The following TAF3 variants were observed in gnomAD, a reference collection of about 807,000 sequenced individuals.
TAF3 encodes TATA-box binding protein associated factor 3.
TAF3 carries 7 observed loss-of-function variants against 80.6 expected under a neutral mutation model. The observed-to-expected ratio is 0.09, with a 90% CI of 0.05 to 0.16. TAF3 has a LOEUF of 0.16. Ranked by LOEUF, TAF3 falls within the 10% of genes least tolerant of loss-of-function variation. TAF3 has a pLI of 1.00. For missense variants in TAF3, 921 were observed against 1,140.2 expected (o/e 0.81, Z 2.77); for synonymous variants, 444 against 446.1 (o/e 1.00, Z 0.06).
intron 3 of TAF3, among the ~76,000 whole-genome samples, chr10:7,969,294 TA>T (rs961334331): frequency 1.5e-4 from 23 of 148,558 alleles, no homozygotes; most frequent in South Asian, 4.3e-4. Context: ...GACCCTGTCT[TA>T]AAAAAAAAAG....
intron 2 of TAF3, among the ~76,000 whole-genome samples, chr10:7,925,470 T>G (rs1837805551): frequency 6.6e-6 from 1 of 152,198 alleles, no homozygotes; most frequent in African/African-American, 2.4e-5. Context: ...CTTGTCTGAC[T>G]TTGATTATTT....
In TAF3 at chr10:7,824,527, G is replaced by C. The variant is rs771800918; in HGVS notation, c.376G>C (p.Asp126His). The C allele has an allele frequency of 1.4e-5, 22 of 1,613,978 alleles. No individual in the cohort carries two copies. The highest frequency in any genetic ancestry group is 1.7e-5 in the Non-Finnish European group (20 of 1,180,006). ...DAEERKEYIP[D>H]YLPPIVSSQE... Reference sequence around the variant, plus strand: ...AGAGGAAAGAAAAGAATACATTCCTGATTACCTGCCACCCATTGTGTCTTC... The same window carrying C: ...AGAGGAAAGAAAAGAATACATTCCTCATTACCTGCCACCCATTGTGTCTTC... Residue 126 changes from aspartate (D) to histidine (H), a missense_variant, in exon 2 of 7, where the codon GAT becomes CAT. This residue lies in a region of TAF3 where 106 missense variants were observed against 191.8 expected (regional missense o/e 0.55). Coordinates refer to ENST00000344293, the MANE Select transcript of TAF3 (RefSeq NM_031923.4).
Position 7,964,800 on chromosome 10 carries a change from G to C in TAF3, c.1290G>C (p.Glu430Asp), listed in dbSNP as rs376477148. 1.7e-5 allele frequency: 28 copies of C among 1,614,044 alleles called. No individual in the cohort carries two copies. Among genetic ancestry groups the C allele is most frequent in the Non-Finnish European group, 2.1e-5 (25 of 1,180,036 alleles). ...GCCCTAAGAGAATTTCAGGCCCGGA[G>C]TGTACTACTCCCAAAGCTTCCACTT... ...FTSPKRISGP[E>D]CTTPKASTSA... Residue 430 changes from glutamate to aspartate, a missense_variant, in exon 3 of 7, where the codon GAG becomes GAC. Physicochemically the swap from Glu to Asp is conservative, Grantham distance 45. Around this residue, in one of 6 missense-constraint regions of TAF3, gnomAD observed 743 missense variants for 821.0 expected, o/e 0.90. Transcript: ENST00000344293. The surrounding 1 kb of genome is among the most constrained non-coding windows in gnomAD (Gnocchi z 4.1).
At chr10:7,923,820 C>A (rs938167425) in intron 2 of TAF3, among the ~76,000 whole-genome samples, 2 of 151,902 alleles carry the variant, frequency 1.3e-5, no homozygotes, top group Non-Finnish European at 2.9e-5. Context: ...AATTTTTGCA[C>A]ATAATTGACT....
rs7070208 is a variant in TAF3 at position 7,824,305 on chromosome 10, C to G, written c.167-13C>G. On this transcript the variant is annotated splice_polypyrimidine_tract_variant and intron_variant, in intron 1 of 6. Coordinates refer to ENST00000344293, the MANE Select transcript of TAF3 (RefSeq NM_031923.4). The stretch of plus-strand genomic sequence containing the variant: ...TCTTCAAATAATTTGATTTGCTTTT[C>G]ACTTTGTTTCAGATGGCCGAACAGA... 0.84 allele frequency: 1,280,192 copies of G among 1,527,968 alleles called. 516,710 individuals carry two copies. The highest frequency in any genetic ancestry group is 0.94 in the East Asian group (41,445 of 44,174). 94.7% of individuals were successfully genotyped at this position (1,527,968 alleles called of 1,614,324 possible). A position where few individuals can be genotyped will look rare whatever the true frequency, so the allele number is the denominator to read the frequency against.
intron 3 of TAF3, 67 bp from the exon 4 acceptor site, chr10:7,977,174 A>AG (rs1831681492): frequency 1.4e-6 from 2 of 1,438,732 alleles, no homozygotes; most frequent in African/African-American, 2.8e-5. Context: ...GTGGGAGAGT[A>AG]GGAGAAGTGG....
intron 2 of TAF3, among the ~76,000 whole-genome samples, chr10:7,844,807 G>A (rs1314542400): frequency 6.6e-6 from 1 of 151,590 alleles, no homozygotes; most frequent in South Asian, 2.1e-4. Flanking sequence ...TTTTTTTAAC[G>A]TATCATTTGT....
At chr10:7,967,738 T>C (rs1325971668) in intron 3 of TAF3, among the ~76,000 whole-genome samples, 1 of 152,196 alleles carries the variant, frequency 6.6e-6, no homozygotes, top group African/African-American at 2.4e-5. Context: ...TAAATGTCAG[T>C]AGATGGAGAG....
At chr10:7,920,420 A>G (rs944379653) in intron 2 of TAF3, among the ~76,000 whole-genome samples, 3 of 150,942 alleles carry the variant, frequency 2.0e-5, no homozygotes, top group East Asian at 1.9e-4. Context: ...TGTGATTTCA[A>G]TCTCGTTCCT....
chr10:7,993,880 CTTTTTTTTTT>C (rs953356058), intron 4 of TAF3, among the ~76,000 whole-genome samples: 1 of 104,420 alleles, frequency 9.6e-6, no homozygotes, highest in African/African-American at 3.7e-5. Flanking sequence ...AATATACAAT[CTTTTTTTTTT>C]TTTTTTTTTT....
At chr10:7,835,617 A>G (rs1224058160) in intron 2 of TAF3, among the ~76,000 whole-genome samples, 1 of 152,086 alleles carries the variant, frequency 6.6e-6, no homozygotes, top group Non-Finnish European at 1.5e-5. Context: ...TTCTAGCCCC[A>G]TTGGATCTCA....
At chr10:7,859,322 G>A (rs1332562761) in intron 2 of TAF3, among the ~76,000 whole-genome samples, 1 of 151,210 alleles carries the variant, frequency 6.6e-6, no homozygotes, top group Non-Finnish European at 1.5e-5. Flanking sequence ...AAATAAAAGA[G>A]AAGTGTGATG....
chr10:7,929,714 G>A (rs954970890), intron 2 of TAF3, among the ~76,000 whole-genome samples: 2 of 151,996 alleles, frequency 1.3e-5, no homozygotes, highest in Non-Finnish European at 2.9e-5. Context: ...ATATAATAAG[G>A]TTACATTATT....
At chr10:7,912,269 T>TA (rs986745208) in intron 2 of TAF3, among the ~76,000 whole-genome samples, 2 of 151,990 alleles carry the variant, frequency 1.3e-5, no homozygotes, top group Non-Finnish European at 1.5e-5. Context: ...GTTTTTTTAT[T>TA]AAAAAAAAGA....
At chr10:7,968,529 GA>G (rs1490593845) in intron 3 of TAF3, among the ~76,000 whole-genome samples, 7 of 152,112 alleles carry the variant, frequency 4.6e-5, no homozygotes, top group African/African-American at 1.7e-4. Context: ...TTCATCTTTA[GA>G]AATAATGATA....
chr10:7,911,700 T>G (rs1437153156), intron 2 of TAF3, among the ~76,000 whole-genome samples: 1 of 152,260 alleles, frequency 6.6e-6, no homozygotes, highest in Admixed American at 6.5e-5. Flanking sequence ...TTTAAAATTC[T>G]GATTTTGTTG....
intron 2 of TAF3, among the ~76,000 whole-genome samples, chr10:7,845,486 G>A (rs1173390584): frequency 6.6e-6 from 1 of 152,244 alleles, no homozygotes; most frequent in African/African-American, 2.4e-5. Context: ...AAAATGCACT[G>A]AAATGATTTG....
At chr10:7,994,684 G>A (rs1831867296) in intron 4 of TAF3, among the ~76,000 whole-genome samples, 2 of 151,794 alleles carry the variant, frequency 1.3e-5, no homozygotes, top group South Asian at 2.1e-4. Flanking sequence ...CTGAGTCTTG[G>A]CCAGGCACAG....
At chr10:7,837,017 A>G (rs559662390) in intron 2 of TAF3, among the ~76,000 whole-genome samples, 3 of 152,324 alleles carry the variant, frequency 2.0e-5, no homozygotes, top group African/African-American at 4.8e-5. Context: ...GTTTGAGCCC[A>G]GGAATTTGAG....
Sources: allele counts gnomAD v4.1 joint callset (sites outside exome capture counted in the v4.1 genomes callset), GRCh38; gene constraint gnomAD v4.1.1; regional missense constraint gnomAD v4.1.1; non-coding constraint Gnocchi (gnomAD v3.1); transcripts MANE v1.5; gene names NCBI Gene and HGNC (gene_info 2026-07-23, HGNC 2026-07-21).